Variants in PIAS2 observed in about 807,000 individuals in gnomAD.
PIAS2 encodes E3 SUMO-protein ligase PIAS2.
A neutral mutation model predicts 69.7 loss-of-function variants in PIAS2; 19 were observed. That is an observed-to-expected ratio of 0.27 (90% CI 0.19 to 0.40). PIAS2 has a LOEUF of 0.40. Among genes scored for constraint, PIAS2 ranks in the 10% least tolerant of loss-of-function variants. The probability of loss-of-function intolerance (pLI) is 1.00; values close to 1 mark genes in which losing one functional copy is unlikely to be tolerated. For missense variants in PIAS2, 624 were observed against 757.0 expected (o/e 0.82, Z 2.06); for synonymous variants, 261 against 263.2 (o/e 0.99, Z 0.08).
intron 5 of PIAS2, among the ~76,000 whole-genome samples, chr18:46,854,639 C>T (rs1195440374): frequency 6.6e-6 from 1 of 152,198 alleles, no homozygotes; most frequent in Non-Finnish European, 1.5e-5. Context: ...AGGCCAGAGA[C>T]AGGCTGCATG....
At chr18:46,902,912 C>G (rs2056102230) in intron 1 of PIAS2, among the ~76,000 whole-genome samples, 3 of 152,234 alleles carry the variant, frequency 2.0e-5, no homozygotes, top group Non-Finnish European at 2.9e-5. Flanking sequence ...CAGACATATA[C>G]ATACATACCC....
rs917035974 is a variant in PIAS2, at chr18:46,879,603, G to C, written c.499+10977C>G. Among the ~76,000 whole-genome samples the C allele has an allele frequency of 2.1e-4, 32 of 152,280 alleles. 1 individual carries two copies. Among genetic ancestry groups the C allele is most frequent in the Admixed American group, 1.9e-3 (29 of 15,290 alleles). ...AAAACAGAATCTTGAAGAGATGTTT[G>C]TATACTCACAGTCATAGCAGCATCA... On this transcript the variant is annotated intron_variant, in intron 2 of 13. Transcript: ENST00000585916.
intron 2 of PIAS2, among the ~76,000 whole-genome samples, chr18:46,884,317 T>A (rs1328395633): frequency 6.6e-6 from 1 of 151,906 alleles, no homozygotes; most frequent in Non-Finnish European, 1.5e-5. Context: ...TTTATTTATT[T>A]TTTATTTTTT....
At chr18:46,919,463 G>A (rs1039574246), upstream of PIAS2, among the ~76,000 whole-genome samples, 1 of 151,440 alleles carries the variant, frequency 6.6e-6, no homozygotes, top group Non-Finnish European at 1.5e-5. Context: ...TCCAGCCTGG[G>A]CAACAAAAGC....
At chr18:46,865,522 C>CAAAAAAAAAAAAAAAAAAAAAAA (rs11321908) in intron 2 of PIAS2, among the ~76,000 whole-genome samples, 1 of 108,260 alleles carries the variant, frequency 9.2e-6, no homozygotes, top group African/African-American at 3.3e-5. Context: ...CGATAGTCTT[C>CAAAAAAAAAAAAAAAAAAAAAAA]AAAAAAAAAA....
At chr18:46,913,926 C>T (rs1043445449) in intron 1 of PIAS2, among the ~76,000 whole-genome samples, 4 of 152,190 alleles carry the variant, frequency 2.6e-5, no homozygotes, top group Non-Finnish European at 2.9e-5. Context: ...CCTCTCAAAG[C>T]GCTGGAATTA....
At position 46,893,823 on chromosome 18, in the gene PIAS2, C is replaced by T. The variant is rs377512907; in HGVS notation, c.25-2769G>A. On this transcript the variant is annotated intron_variant, in intron 1 of 13. Coordinates refer to ENST00000585916, the MANE Select transcript of PIAS2 (RefSeq NM_004671.5). ...TTTCTATTTTAAAATAACAAACACC[C>T]CCCAAAAAAATCCCTCTCCTTGGCC... Among the ~76,000 whole-genome samples the T allele has an allele frequency of 2.5e-4, 38 of 152,118 alleles. No homozygotes were observed. The East Asian group carries it at 3.7e-3, about 15-fold the overall frequency.
intron 1 of PIAS2, among the ~76,000 whole-genome samples, chr18:46,907,042 G>C (rs964981351): frequency 6.6e-6 from 1 of 152,162 alleles, no homozygotes; most frequent in Non-Finnish European, 1.5e-5. Context: ...AAAAGAAGGA[G>C]AGCCTGCAAA....
intron 9 of PIAS2, among the ~76,000 whole-genome samples, chr18:46,834,811 A>AAG (rs1199830271): frequency 4.6e-5 from 7 of 152,182 alleles, no homozygotes; most frequent in African/African-American, 1.7e-4. Context: ...TTTAATACGT[A>AAG]AGGCTGCTAA....
chr18:46,873,436 T>C (rs1025253896), intron 2 of PIAS2, among the ~76,000 whole-genome samples: 10 of 152,112 alleles, frequency 6.6e-5, no homozygotes, highest in African/African-American at 9.6e-5. Context: ...TCTAGGGTAA[T>C]TGGGGGAAAA....
Position 46,846,908 on chromosome 18 carries a change from T to C in PIAS2, c.727-67A>G, listed in dbSNP as rs1361730710. On this transcript the variant is annotated intron_variant, in intron 5 of 13. Coordinates refer to ENST00000585916, the MANE Select transcript of PIAS2 (RefSeq NM_004671.5). ...GGAAGATTAAACATTTTCTCCAAGA[T>C]AGATACAGGATCCTGCCCAATTTCA... 7.1e-6 allele frequency: 10 copies of C among 1,417,876 alleles called. No individual in the cohort carries two copies. In the Admixed American group the frequency reaches 1.2e-4, roughly 17 times the overall value. 87.8% of individuals were successfully genotyped at this position (1,417,876 alleles called of 1,614,324 possible). A position where few individuals can be genotyped will look rare whatever the true frequency, so the allele number is the denominator to read the frequency against.
In PIAS2 at chr18:46,803,940, G is replaced by GT. The variant is rs1279985050; in HGVS notation, c.*8492dup. 6.6e-6 allele frequency: 1 copy of GT among 152,148 alleles called. No individual in the cohort carries two copies. The highest frequency in any genetic ancestry group is 1.5e-5 in the Non-Finnish European group (1 of 68,058). 9.4% of individuals were successfully genotyped at this position (152,148 alleles called of 1,614,324 possible). On this transcript the variant is annotated 3_prime_UTR_variant, in exon 14 of 14. Transcript: ENST00000585916. ...CCCTGTAAGTTTTGGAGTTCAGAAG[G>GT]TGAGTATGCTGCCTTTCAACACCTC...
chr18:46,865,742 G>T (rs1255634671), intron 2 of PIAS2, among the ~76,000 whole-genome samples: 1 of 152,086 alleles, frequency 6.6e-6, no homozygotes, highest in East Asian at 1.9e-4. Flanking sequence ...TCACAAAATG[G>T]TTCATATTTT....
At chr18:46,825,514 A>C (rs1326891590) in intron 11 of PIAS2, among the ~76,000 whole-genome samples, 1 of 152,210 alleles carries the variant, frequency 6.6e-6, no homozygotes, top group Non-Finnish European at 1.5e-5. Context: ...TAACAGCTTC[A>C]GTCCTTAAGA....
At chr18:46,891,146 C>T in intron 1 of PIAS2, 92 bp from the exon 2 acceptor site, 3 of 926,242 alleles carry the variant, frequency 3.2e-6, no homozygotes, top group East Asian at 2.6e-5. Context: ...ATTTTTCCAG[C>T]ATTCTATCAA....
chr18:46,804,294 T>A lies in PIAS2; in HGVS notation c.*8139A>T, dbSNP rs2040592820. On this transcript the variant is annotated 3_prime_UTR_variant, in exon 14 of 14. Coordinates refer to ENST00000585916, the MANE Select transcript of PIAS2 (RefSeq NM_004671.5). ...GAGTATATAAACCAGGGTACTGGGA[T>A]AATAGTTAGGGAACACTTGCTTTTT... The A allele has an allele frequency of 6.6e-6, 1 of 152,192 alleles. No individual in the cohort carries two copies. The highest frequency in any genetic ancestry group is 2.1e-4 in the South Asian group (1 of 4,822). The allele number at this position is 152,192 out of a possible 1,614,324, so 9.4% of individuals were successfully genotyped here.
rs554697605 is a variant in PIAS2 at position 46,848,766 on chromosome 18, A to T, written c.727-1925T>A. On this transcript the variant is annotated intron_variant, in intron 5 of 13. Transcript: ENST00000585916. ...TAATATGGAAATGAAAGAGAGAGAC[A>T]GTGTGTGTGTGTGTGTGTGTGTGAG... 5.2e-3 allele frequency among the ~76,000 whole-genome samples: 755 copies of T among 146,408 alleles called. 7 individuals carry two copies. The highest frequency in any genetic ancestry group is 0.018 in the African/African-American group (713 of 39,994).
chr18:46,860,632 A>G (rs1171163835), intron 3 of PIAS2, among the ~76,000 whole-genome samples: 1 of 152,216 alleles, frequency 6.6e-6, no homozygotes, highest in African/African-American at 2.4e-5. Context: ...ACACTGGAAT[A>G]TAACTCATAG....
intron 13 of PIAS2, among the ~76,000 whole-genome samples, chr18:46,813,614 T>G (rs1175209209): frequency 6.6e-6 from 1 of 152,170 alleles, no homozygotes; most frequent in Non-Finnish European, 1.5e-5. Context: ...AGCTTATCAT[T>G]AGAGACACTG....
Sources: gnomAD v4.1 joint callset for allele counts (sites outside exome capture counted in the v4.1 genomes callset) on GRCh38, gnomAD v4.1.1 for gene constraint, MANE v1.5 for transcripts, NCBI Gene and HGNC (gene_info 2026-07-23, HGNC 2026-07-21) for gene names.